GPC5: variants seen among roughly 807,000 people sequenced by gnomAD.
GPC5 encodes glypican 5.
GPC5 carries 47 observed loss-of-function variants against 53.9 expected under a neutral mutation model. The observed-to-expected ratio is 0.87, with a 90% CI of 0.69 to 1.11. The LOEUF (loss-of-function observed/expected upper bound fraction) is 1.11, where lower values mean the gene tolerates loss of function less well. Ranked by LOEUF, GPC5 falls within the 50% of genes most tolerant of loss-of-function variation. GPC5 has a pLI of 0.00. For synonymous variants in GPC5, 286 were observed against 263.3 expected (o/e 1.09, Z -0.84); for missense variants, 748 against 713.1 (o/e 1.05, Z -0.56).
chr13:92,662,688 C>G (rs369687429), intron 7 of GPC5, among the ~76,000 whole-genome samples: 1 of 152,142 alleles, frequency 6.6e-6, no homozygotes, highest in Non-Finnish European at 1.5e-5. Flanking sequence ...AGTTTATTTC[C>G]CCTTGAGGTT....
chr13:91,540,193 T>A (rs937272112), intron 2 of GPC5, among the ~76,000 whole-genome samples: 1 of 152,184 alleles, frequency 6.6e-6, no homozygotes, highest in Non-Finnish European at 1.5e-5. Flanking sequence ...ACAGCTAGTT[T>A]ACTTATCAAA....
chr13:92,009,031 A>AT (rs1203886656), intron 6 of GPC5, among the ~76,000 whole-genome samples: 6 of 152,026 alleles, frequency 3.9e-5, no homozygotes, highest in African/African-American at 1.4e-4. Flanking sequence ...ACTTTGTTGT[A>AT]TATTCCATTT....
intron 7 of GPC5, among the ~76,000 whole-genome samples, chr13:92,662,004 A>ACATC (rs1464732920): frequency 4.6e-5 from 7 of 152,124 alleles, no homozygotes; most frequent in Non-Finnish European, 1.0e-4. Flanking sequence ...GCTAAATCTT[A>ACATC]CATCCATATT....
intron 6 of GPC5, among the ~76,000 whole-genome samples, chr13:92,088,394 G>A (rs2041352778): frequency 6.6e-6 from 1 of 152,160 alleles, no homozygotes; most frequent in Non-Finnish European, 1.5e-5. Context: ...CGGGGGAAAA[G>A]CTGGGCTGAA....
intron 3 of GPC5, among the ~76,000 whole-genome samples, chr13:91,706,779 T>C (rs2036115202): frequency 6.6e-6 from 1 of 151,742 alleles, no homozygotes; most frequent in African/African-American, 2.4e-5. Flanking sequence ...TCCTACAGGA[T>C]GAATAAAGGG....
At chr13:92,481,475 C>G (rs575004334) in intron 7 of GPC5, among the ~76,000 whole-genome samples, 2 of 151,958 alleles carry the variant, frequency 1.3e-5, no homozygotes, top group Non-Finnish European at 2.9e-5. Flanking sequence ...AACATGTATG[C>G]GCAAAAAGGG....
At chr13:91,468,736 C>T (rs1882409616) in intron 2 of GPC5, among the ~76,000 whole-genome samples, 3 of 152,080 alleles carry the variant, frequency 2.0e-5, no homozygotes, top group South Asian at 4.1e-4. Flanking sequence ...GAAACCAATA[C>T]AAATGTGTTT....
intron 6 of GPC5, among the ~76,000 whole-genome samples, chr13:92,127,390 A>G (rs1353832043): frequency 6.6e-6 from 1 of 152,060 alleles, no homozygotes. Flanking sequence ...TAGCTTTTTT[A>G]AAGTATGAAT....
rs9589254 is a variant in GPC5, at chr13:91,483,954, T to C, written c.325+35032T>C. On this transcript the variant is annotated intron_variant, in intron 2 of 7. Transcript: ENST00000377067. ...AGATTTACACTATATCATACCTTCC[T>C]GAACTTTCAATTTATCATTAATATT... 9.6e-3 allele frequency among the ~76,000 whole-genome samples: 1,468 copies of C among 152,322 alleles called. 20 individuals carry two copies. Among genetic ancestry groups the C allele is most frequent in the African/African-American group, 0.031 (1,270 of 41,564 alleles).
chr13:92,518,504 A>T (rs1233852857), intron 7 of GPC5, among the ~76,000 whole-genome samples: 1 of 152,212 alleles, frequency 6.6e-6, no homozygotes, highest in Non-Finnish European at 1.5e-5. Flanking sequence ...TTTTCAACCC[A>T]GAATTTCATA....
At chr13:92,240,943 G>A (rs946911233) in intron 7 of GPC5, 1 of 152,156 alleles carries the variant, frequency 6.6e-6, no homozygotes, top group Admixed American at 6.5e-5. Flanking sequence ...TTATTAGGTG[G>A]AATACCTATA....
chr13:92,410,601 A>G (rs930719304), intron 7 of GPC5, among the ~76,000 whole-genome samples: 1 of 152,200 alleles, frequency 6.6e-6, no homozygotes, highest in Non-Finnish European at 1.5e-5. Flanking sequence ...TAAGCTCTCT[A>G]GCTGTGATAA....
intron 7 of GPC5, among the ~76,000 whole-genome samples, chr13:92,391,470 T>C (rs774900385): frequency 1.3e-5 from 2 of 152,196 alleles, no homozygotes; most frequent in African/African-American, 2.4e-5. Flanking sequence ...CCTAACCTTT[T>C]GTATTTCATC....
chr13:91,721,137 C>G lies in GPC5; in HGVS notation c.1021-7395C>G, dbSNP rs528908777. ...TCTTTCTTTCTTTCTTTCTTTCTTT[C>G]TTTTTTTGGGTGGGGGGACTGAGTT... On this transcript the variant is annotated intron_variant, in intron 3 of 7. Transcript: ENST00000377067. Among the ~76,000 whole-genome samples, 229 of 92,100 alleles carry G rather than the reference C, an allele frequency of 2.5e-3. 1 individual carries two copies. The highest frequency in any genetic ancestry group is 9.2e-3 in the African/African-American group (212 of 23,072). 60.4% of individuals were successfully genotyped at this position (92,100 alleles called of 152,430 possible). A position where few individuals can be genotyped will look rare whatever the true frequency, so the allele number is the denominator to read the frequency against.
chr13:92,122,534 T>C (rs1307659241), intron 6 of GPC5, among the ~76,000 whole-genome samples: 1 of 151,930 alleles, frequency 6.6e-6, no homozygotes. Context: ...CCATCATATA[T>C]GCTTTTTCTC....
intron 7 of GPC5, among the ~76,000 whole-genome samples, chr13:92,694,235 G>A (rs1260983951): frequency 6.6e-6 from 1 of 152,184 alleles, no homozygotes; most frequent in African/African-American, 2.4e-5. Context: ...GCAATGAAGA[G>A]GAAAAATGTG....
intron 2 of GPC5, among the ~76,000 whole-genome samples, chr13:91,613,328 G>A (rs2033610759): frequency 6.6e-6 from 1 of 152,134 alleles, no homozygotes; most frequent in South Asian, 2.1e-4. Flanking sequence ...GAGAATTTGT[G>A]CAGGGAAACT....
chr13:92,193,512 G>A (rs1468717708), intron 7 of GPC5, among the ~76,000 whole-genome samples: 1 of 152,106 alleles, frequency 6.6e-6, no homozygotes, highest in Non-Finnish European at 1.5e-5. Flanking sequence ...TCCTATATTG[G>A]ATAATGGACA....
intron 6 of GPC5, among the ~76,000 whole-genome samples, chr13:91,935,690 A>G (rs1252791518): frequency 6.6e-6 from 1 of 152,062 alleles, no homozygotes; most frequent in African/African-American, 2.4e-5. Context: ...TTCCCAAAAT[A>G]GAAGTCACTG....
Sources: allele counts gnomAD v4.1 joint callset (sites outside exome capture counted in the v4.1 genomes callset), GRCh38; gene constraint gnomAD v4.1.1; transcripts MANE v1.5; gene names NCBI Gene and HGNC (gene_info 2026-07-23, HGNC 2026-07-21).